DLG2: variants seen among roughly 807,000 people sequenced by gnomAD.
The protein encoded by DLG2 is discs large MAGUK scaffold protein 2, also known as disks large homolog 2.
DLG2 carries 45 observed loss-of-function variants against 132.5 expected under a neutral mutation model. The ratio of observed to expected loss-of-function variants is 0.34; its 90% CI spans 0.27 to 0.44. The LOEUF (loss-of-function observed/expected upper bound fraction) is 0.44, where lower values mean the gene tolerates loss of function less well. DLG2 is among the 20% of genes least tolerant of loss of function. The probability of loss-of-function intolerance (pLI) is 1.00; values close to 1 mark genes in which losing one functional copy is unlikely to be tolerated. For synonymous variants in DLG2, 424 were observed against 419.6 expected, an observed-to-expected ratio of 1.01 and a Z score of -0.13; for missense variants, 1,045 against 1,196.9, an observed-to-expected ratio of 0.87 and a Z score of 1.87.
intron 18 of DLG2, among the ~76,000 whole-genome samples, chr11:83,723,468 A>G (rs1179363389): frequency 2.6e-5 from 4 of 152,242 alleles, no homozygotes; most frequent in Non-Finnish European, 4.4e-5. Context: ...GCCTAGCTCC[A>G]TAGTCAGATT....
chr11:85,097,835 G>C (rs1311121455), intron 6 of DLG2, among the ~76,000 whole-genome samples: 1 of 152,196 alleles, frequency 6.6e-6, no homozygotes, highest in South Asian at 2.1e-4. Context: ...TTTGGAGGAG[G>C]AAAGTGGTGA....
intron 3 of DLG2, among the ~76,000 whole-genome samples, chr11:85,550,404 C>G (rs984419838): frequency 6.6e-6 from 1 of 152,258 alleles, no homozygotes; most frequent in East Asian, 1.9e-4. Flanking sequence ...GTGCTGCCAG[C>G]GCGCAAAGGT....
chr11:84,601,450 A>T (rs1593423767), intron 6 of DLG2, among the ~76,000 whole-genome samples: 1 of 152,142 alleles, frequency 6.6e-6, no homozygotes, highest in South Asian at 2.1e-4. Flanking sequence ...CAATCATTTC[A>T]TCTCCAGTAA....
chr11:84,498,398 C>G (rs1280027335), intron 7 of DLG2, among the ~76,000 whole-genome samples: 2 of 152,078 alleles, frequency 1.3e-5, no homozygotes, highest in Non-Finnish European at 2.9e-5. Context: ...TCACAATCAC[C>G]GTCCTAATGG....
intron 6 of DLG2, among the ~76,000 whole-genome samples, chr11:84,899,228 G>A (rs1333630462): frequency 6.6e-6 from 1 of 152,018 alleles, no homozygotes; most frequent in Admixed American, 6.6e-5. Flanking sequence ...CCCCTCTAGT[G>A]TCATGCTTCC....
In DLG2 at chr11:85,606,107, A is replaced by G. The variant is rs542947943; in HGVS notation, c.-92-7319T>C. The stretch of plus-strand genomic sequence containing the variant: ...AGGGTAGAATGTCAAGTCATGGAAG[A>G]TTTTTAACTGAAGAGGAATATGACC... On this transcript the variant is annotated intron_variant, in intron 2 of 27. Transcript: ENST00000376104. Among the ~76,000 whole-genome samples, 16 of 152,336 alleles carry G rather than the reference A, an allele frequency of 1.1e-4. No homozygotes were observed. The South Asian group carries it at 2.9e-3, about 28-fold the overall frequency.
intron 6 of DLG2, among the ~76,000 whole-genome samples, chr11:84,615,922 A>G (rs1416357558): frequency 6.6e-6 from 1 of 151,428 alleles, no homozygotes; most frequent in African/African-American, 2.4e-5. Context: ...TCAGACTTCA[A>G]TTCTGGGTAT....
At position 85,087,321 on chromosome 11, in the gene DLG2, C is replaced by T. The variant is rs190120857; in HGVS notation, c.357+24340G>A. Among the ~76,000 whole-genome samples the T allele has an allele frequency of 2.0e-3, 305 of 152,208 alleles. 3 individuals carry two copies. Among genetic ancestry groups the T allele is most frequent in the African/African-American group, 7.1e-3 (293 of 41,534 alleles). On this transcript the variant is annotated intron_variant, in intron 6 of 27. Coordinates refer to ENST00000376104, the MANE Select transcript of DLG2 (RefSeq NM_001142699.3). ...GAGAGAGAGCCCCTAGGAGGAATCC[C>T]ATGGATAGAGAAGCCATCTCTAAAA...
chr11:85,436,654 C>T lies in DLG2; in HGVS notation c.41-151289G>A, dbSNP rs78788251. 9.7e-3 allele frequency among the ~76,000 whole-genome samples: 1,469 copies of T among 152,112 alleles called. 19 individuals carry two copies. Among genetic ancestry groups the T allele is most frequent in the African/African-American group, 0.032 (1,315 of 41,502 alleles). ...ATGGCAATTATTTAAAAGGAAACAA[C>T]GGATAATGGTGAGGCTATGGAAAAA... On this transcript the variant is annotated intron_variant, in intron 3 of 27. Coordinates refer to ENST00000376104, the MANE Select transcript of DLG2 (RefSeq NM_001142699.3).
At chr11:83,767,488 T>C (rs1431797621) in intron 18 of DLG2, among the ~76,000 whole-genome samples, 1 of 152,196 alleles carries the variant, frequency 6.6e-6, no homozygotes, top group Non-Finnish European at 1.5e-5. Context: ...TAAAACAGGC[T>C]ATCATTTTAC....
At chr11:83,858,524 G>T (rs539896726) in intron 16 of DLG2, among the ~76,000 whole-genome samples, 1 of 152,288 alleles carries the variant, frequency 6.6e-6, no homozygotes, top group South Asian at 2.1e-4. Context: ...TGAATTTGTT[G>T]TGGCCTTGGA....
intron 3 of DLG2, among the ~76,000 whole-genome samples, chr11:85,426,087 G>A (rs2090704573): frequency 6.6e-6 from 1 of 152,242 alleles, no homozygotes; most frequent in Admixed American, 6.5e-5. Flanking sequence ...GCAAGGCTGA[G>A]GGAGGGGCGC....
intron 3 of DLG2, among the ~76,000 whole-genome samples, chr11:85,589,545 C>CTG (rs1479909797): frequency 1.3e-5 from 2 of 152,094 alleles, no homozygotes; most frequent in African/African-American, 4.8e-5. Flanking sequence ...GCTGCAGCCA[C>CTG]TGTGGGGGTG....
intron 6 of DLG2, among the ~76,000 whole-genome samples, chr11:84,712,207 C>A (rs1275692368): frequency 1.3e-5 from 2 of 152,062 alleles, no homozygotes; most frequent in Non-Finnish European, 2.9e-5. Context: ...CTGAATTGTA[C>A]AATTCAATAT....
intron 4 of DLG2, among the ~76,000 whole-genome samples, chr11:85,169,854 G>C (rs1330722700): frequency 1.3e-5 from 2 of 152,168 alleles, no homozygotes; most frequent in African/African-American, 2.4e-5. Flanking sequence ...CCTTGATTCT[G>C]AGGCCTTCTA....
intron 6 of DLG2, among the ~76,000 whole-genome samples, chr11:84,954,070 C>T (rs2051305743): frequency 6.6e-6 from 1 of 152,082 alleles, no homozygotes; most frequent in Admixed American, 6.6e-5. Flanking sequence ...CTCTTCCCCT[C>T]ACTATTAGGA....
intron 15 of DLG2, among the ~76,000 whole-genome samples, chr11:83,905,049 T>G (rs949702097): frequency 2.0e-5 from 3 of 152,152 alleles, no homozygotes; most frequent in African/African-American, 7.2e-5. Flanking sequence ...CTTAATCTAC[T>G]TTCAGTATCA....
intron 17 of DLG2, among the ~76,000 whole-genome samples, chr11:83,799,113 A>T (rs1373478178): frequency 6.6e-6 from 1 of 152,248 alleles, no homozygotes; most frequent in Non-Finnish European, 1.5e-5. Flanking sequence ...AGAATAAACA[A>T]ATTCACATGT....
At chr11:85,056,063 T>C (rs1566749043) in intron 6 of DLG2, among the ~76,000 whole-genome samples, 1 of 152,126 alleles carries the variant, frequency 6.6e-6, no homozygotes, top group East Asian at 1.9e-4. Context: ...CAATTTTTCA[T>C]ATATAATAAC....
Sources: allele counts gnomAD v4.1 joint callset (sites outside exome capture counted in the v4.1 genomes callset), GRCh38; gene constraint gnomAD v4.1.1; transcripts MANE v1.5; gene names NCBI Gene and HGNC (gene_info 2026-07-23, HGNC 2026-07-21).